CASZ1: variants seen among roughly 807,000 people sequenced by gnomAD.
CASZ1 encodes the protein zinc finger protein castor homolog 1.
In CASZ1, 28 loss-of-function variants were observed where a neutral mutation model predicts 135.2. The ratio of observed to expected loss-of-function variants is 0.21; its 90% CI spans 0.15 to 0.28. CASZ1 has a LOEUF of 0.28. Among genes scored for constraint, CASZ1 ranks in the 10% least tolerant of loss-of-function variants. CASZ1 has a pLI of 1.00. For missense variants in CASZ1, 2,161 were observed against 2,453.3 expected (o/e 0.88, Z 2.52); for synonymous variants, 1,068 against 1,073.4 (o/e 0.99, Z 0.10).
rs772812465 is a variant in CASZ1, at chr1:10,647,896, C to T, written c.3402G>A (p.Ala1134=). The T allele has an allele frequency of 5.6e-6, 9 of 1,613,662 alleles. No homozygotes were observed. Among genetic ancestry groups the T allele is most frequent in the South Asian group, 4.4e-5 (4 of 91,082 alleles). Residue 1134 remains alanine (A), a synonymous_variant, in exon 16 of 21, where the codon GCG becomes GCA. Transcript: ENST00000377022. This position sits in a 1 kb window ranked among gnomAD's most constrained non-coding sequence, Gnocchi z 4.9. ...STIPQMPQIP[A]SVPHLPASPL... The stretch of plus-strand genomic sequence containing the variant: ...GCGAGGCGGGCAGGTGAGGCACTGA[C>T]GCTGGGATCTGAGGCATCTGGGGTA...
Position 10,646,725 on chromosome 1 carries a change from C to T in CASZ1, c.3498-399G>A, listed in dbSNP as rs1483580359. On this transcript the variant is annotated intron_variant, in intron 16 of 20. Coordinates refer to ENST00000377022, the MANE Select transcript of CASZ1 (RefSeq NM_001079843.3). The surrounding 1 kb of genome is among the most constrained non-coding windows in gnomAD (Gnocchi z 6.4). Reference sequence around the variant, plus strand: ...CTGGCTGGCGTGGCATGGGCGCCACCGTGGATGTGGCTGACAGACTGCAGA... The same window carrying T: ...CTGGCTGGCGTGGCATGGGCGCCACTGTGGATGTGGCTGACAGACTGCAGA... Among the ~76,000 whole-genome samples, 2 of 152,260 alleles carry T rather than the reference C, an allele frequency of 1.3e-5. No individual in the cohort carries two copies. Among genetic ancestry groups the T allele is most frequent in the African/African-American group, 4.8e-5 (2 of 41,458 alleles).
At chr1:10,768,205 CGTTTGTTTGTTT>C (rs113559571) in intron 1 of CASZ1, among the ~76,000 whole-genome samples, 2 of 151,858 alleles carry the variant, frequency 1.3e-5, no homozygotes, top group African/African-American at 4.8e-5. Flanking sequence ...CATTATTGTT[CGTTTGTTTGTTT>C]GTTTGTTTGT....
rs1487052072 is a variant in CASZ1, at chr1:10,727,413, C to T, written c.-76-21869G>A. On this transcript the variant is annotated intron_variant, in intron 2 of 20. Transcript: ENST00000377022. The surrounding 1 kb of genome is among the most constrained non-coding windows in gnomAD (Gnocchi z 5.3). ...CCAGAAAAGAAAAAAAAAAACAACC[C>T]AGCCTCCCAGAAGCTCACAAACACC... is the stretch of plus-strand genomic sequence containing the variant. Among the ~76,000 whole-genome samples, 1 of 151,866 alleles carries T rather than the reference C, an allele frequency of 6.6e-6. No individual in the cohort carries two copies. Among genetic ancestry groups the T allele is most frequent in the Non-Finnish European group, 1.5e-5 (1 of 67,908 alleles).
intron 3 of CASZ1, among the ~76,000 whole-genome samples, chr1:10,695,567 T>C (rs1475236429): frequency 0.052 from 417 of 7,972 alleles, no homozygotes; most frequent in Admixed American, 0.074. Flanking sequence ...CGGCTCCTCC[T>C]CCCCTCCCCG....
Position 10,679,264 on chromosome 1 carries a change from A to G in CASZ1, c.17-13693T>C, listed in dbSNP as rs901239347. Among the ~76,000 whole-genome samples the G allele has an allele frequency of 1.3e-5, 2 of 152,168 alleles. No individual in the cohort carries two copies. The highest frequency in any genetic ancestry group is 2.9e-5 in the Non-Finnish European group (2 of 68,024). Reference sequence around the variant, plus strand: ...AGGGCCCCTGCTGCCTCCAGGACAGAGCCTAGTCCCAAACCTGAGGCAGAC... The same window carrying G: ...AGGGCCCCTGCTGCCTCCAGGACAGGGCCTAGTCCCAAACCTGAGGCAGAC... On this transcript the variant is annotated intron_variant, in intron 4 of 20. Transcript: ENST00000377022. The surrounding 1 kb of genome is among the most constrained non-coding windows in gnomAD (Gnocchi z 4.7).
In CASZ1 at chr1:10,755,086, C is replaced by T. The variant is rs1640224872; in HGVS notation, c.-77+5615G>A. Among the ~76,000 whole-genome samples the T allele has an allele frequency of 6.6e-6, 1 of 152,270 alleles. No individual in the cohort carries two copies. The highest frequency in any genetic ancestry group is 2.1e-4 in the South Asian group (1 of 4,826). On this transcript the variant is annotated intron_variant, in intron 2 of 20. Coordinates refer to ENST00000377022, the MANE Select transcript of CASZ1 (RefSeq NM_001079843.3). This position sits in a 1 kb window ranked among gnomAD's most constrained non-coding sequence, Gnocchi z 4.3. ...AGGTGGTGAGTGGAAGGGGAGCGAC[C>T]CCCAGGCCTGAAGGGCAGAGAGCAA...
intron 2 of CASZ1, among the ~76,000 whole-genome samples, chr1:10,708,020 C>T (rs1639211956): frequency 6.6e-6 from 1 of 152,210 alleles, no homozygotes; most frequent in Non-Finnish European, 1.5e-5. Flanking sequence ...AATGCCAACA[C>T]ACCCATTCTC....
intron 3 of CASZ1, chr1:10,704,141 G>A (rs1639120040): frequency 6.6e-6 from 1 of 152,322 alleles, no homozygotes; most frequent in Non-Finnish European, 1.5e-5. Context: ...CCAGGAACTG[G>A]TCCCAGCTTG....
At position 10,781,408 on chromosome 1, in the gene CASZ1, C is replaced by T. The variant is rs560918931; in HGVS notation, c.-234+15156G>A. 2.0e-5 allele frequency among the ~76,000 whole-genome samples: 3 copies of T among 152,370 alleles called. No homozygotes were observed. In the South Asian group the frequency reaches 6.2e-4, roughly 32 times the overall value. The stretch of plus-strand genomic sequence containing the variant: ...GTCTGCGAGGAGAAGCCAAGGAGAA[C>T]CAAGATGGCGCCAGTGCTTGGGAGT... On this transcript the variant is annotated intron_variant, in intron 1 of 20. Transcript: ENST00000377022.
At chr1:10,769,000 G>C (rs1640527326) in intron 1 of CASZ1, among the ~76,000 whole-genome samples, 1 of 152,226 alleles carries the variant, frequency 6.6e-6, no homozygotes, top group Non-Finnish European at 1.5e-5. Context: ...AATTAGCCGG[G>C]TGTGGTGGCG....
chr1:10,742,344 A>C (rs1297996031), intron 2 of CASZ1, among the ~76,000 whole-genome samples: 2 of 151,980 alleles, frequency 1.3e-5, no homozygotes, highest in African/African-American at 4.8e-5. Flanking sequence ...TAATGCACTA[A>C]AGTTATTTTG....
chr1:10,719,286 T>C lies in CASZ1; in HGVS notation c.-76-13742A>G, dbSNP rs942891270. Among the ~76,000 whole-genome samples the C allele has an allele frequency of 6.6e-6, 1 of 152,194 alleles. No homozygotes were observed. Among genetic ancestry groups the C allele is most frequent in the Non-Finnish European group, 1.5e-5 (1 of 68,036 alleles). ...GGGAGGTCTGCCAGCAAGGCACAGC[T>C]CCTAAGAACAGTAAGGCTGTTTCTC... On this transcript the variant is annotated intron_variant, in intron 2 of 20. Transcript: ENST00000377022. This position sits in a 1 kb window ranked among gnomAD's most constrained non-coding sequence, Gnocchi z 4.0.
intron 1 of CASZ1, among the ~76,000 whole-genome samples, chr1:10,771,942 C>G (rs1640584878): frequency 6.6e-6 from 1 of 152,192 alleles, no homozygotes; most frequent in East Asian, 1.9e-4. Context: ...TGCTGCCAAG[C>G]CCCTCTCGGC....
chr1:10,678,147 C>T (rs1329641064), intron 4 of CASZ1, among the ~76,000 whole-genome samples: 2 of 152,204 alleles, frequency 1.3e-5, no homozygotes, highest in African/African-American at 2.4e-5. Context: ...GGAGAGGCGG[C>T]GGCGTGGGCA....
At chr1:10,705,052 CTG>C (rs1639143595) in intron 3 of CASZ1, among the ~76,000 whole-genome samples, 1 of 152,228 alleles carries the variant, frequency 6.6e-6, no homozygotes, top group Non-Finnish European at 1.5e-5. Flanking sequence ...GAAGGCAGGA[CTG>C]GGGTTCTGGG....
rs1362313660 is a variant in CASZ1 at position 10,694,145 on chromosome 1, A to G, written c.-23-233T>C. On this transcript the variant is annotated intron_variant, in intron 3 of 20. Coordinates refer to ENST00000377022, the MANE Select transcript of CASZ1 (RefSeq NM_001079843.3). The surrounding 1 kb of genome is among the most constrained non-coding windows in gnomAD (Gnocchi z 6.6). ...CCTGAGTTTCTCCAACTAAGGCAGC[A>G]ACTCTCGGCCGGCGCGGCCCCGGCT... 6.7e-6 allele frequency among the ~76,000 whole-genome samples: 1 copy of G among 150,372 alleles called. No individual in the cohort carries two copies. Among genetic ancestry groups the G allele is most frequent in the Non-Finnish European group, 1.5e-5 (1 of 67,520 alleles).
Position 10,741,962 on chromosome 1 carries a change from C to T in CASZ1, c.-77+18739G>A, listed in dbSNP as rs1481762870. ...CTAATGTGCCTAACCCAGCAAGCGCCGAGACACGGACCCCTCACCGCTTCT... is the reference window on the plus strand; with the variant it reads ...CTAATGTGCCTAACCCAGCAAGCGCTGAGACACGGACCCCTCACCGCTTCT... On this transcript the variant is annotated intron_variant, in intron 2 of 20. Transcript: ENST00000377022. This position sits in a 1 kb window ranked among gnomAD's most constrained non-coding sequence, Gnocchi z 5.0. Among the ~76,000 whole-genome samples the T allele has an allele frequency of 3.3e-5, 5 of 151,998 alleles. No individual in the cohort carries two copies. Among genetic ancestry groups the T allele is most frequent in the East Asian group, 1.9e-4 (1 of 5,180 alleles).
At chr1:10,750,587 A>T (rs1318398920) in intron 2 of CASZ1, among the ~76,000 whole-genome samples, 1 of 149,042 alleles carries the variant, frequency 6.7e-6, no homozygotes, top group Non-Finnish European at 1.5e-5. Flanking sequence ...TTCTCTGGGC[A>T]TCAGTTTGCG....
rs1457506410 is a variant in CASZ1 at position 10,792,326 on chromosome 1, CGCCCCCCCCCCCCCG to C, written c.-234+4223_-234+4237del. Among the ~76,000 whole-genome samples, 4 of 21,704 alleles carry C rather than the reference CGCCCCCCCCCCCCCG, an allele frequency of 1.8e-4. 1 individual carries two copies. The highest frequency in any genetic ancestry group is 6.4e-4 in the African/African-American group (4 of 6,294). The allele number at this position is 21,704 out of a possible 152,430, so 14.2% of individuals were successfully genotyped here. A position where few individuals can be genotyped will look rare whatever the true frequency, so the allele number is the denominator to read the frequency against. ...CTGTACATGGCTTACCCCTCCCCCC[CGCCCCCCCCCCCCCG>C]GCCCCGCACACAAAGTAAATGGAAA... On this transcript the variant is annotated intron_variant, in intron 1 of 20. Coordinates refer to ENST00000377022, the MANE Select transcript of CASZ1 (RefSeq NM_001079843.3).
Sources: allele counts gnomAD v4.1 joint callset (sites outside exome capture counted in the v4.1 genomes callset), GRCh38; gene constraint gnomAD v4.1.1; non-coding constraint Gnocchi (gnomAD v3.1); transcripts MANE v1.5; gene names NCBI Gene and HGNC (gene_info 2026-07-23, HGNC 2026-07-21).